The following PPP1R13L variants were observed in gnomAD, a reference collection of about 807,000 sequenced individuals.
PPP1R13L encodes relA-associated inhibitor.
PPP1R13L carries 50 observed loss-of-function variants against 80.9 expected under a neutral mutation model. That is an observed-to-expected ratio of 0.62 (90% CI 0.49 to 0.78). The LOEUF (loss-of-function observed/expected upper bound fraction) is 0.78. Among genes scored for constraint, PPP1R13L ranks in the 30% least tolerant of loss-of-function variants. The probability of loss-of-function intolerance (pLI) is 0.00; values close to 1 mark genes in which losing one functional copy is unlikely to be tolerated. For synonymous variants in PPP1R13L, 602 were observed against 534.3 expected (o/e 1.13, Z -1.75); for missense variants, 1,200 against 1,205.9 (o/e 1.00, Z 0.07).
Position 45,396,087 on chromosome 19 carries a change from G to T in PPP1R13L, c.903+81C>A. On this transcript the variant is annotated intron_variant, in intron 6 of 12. Transcript: ENST00000360957. The surrounding 1 kb of genome is among the most constrained non-coding windows in gnomAD (Gnocchi z 5.3). Reference sequence around the variant, plus strand: ...CGAGACCCAGATCGCAGCCCCGAGGGGGAGACTGGCCTTGACCCCGCTCCC... The same window carrying T: ...CGAGACCCAGATCGCAGCCCCGAGGTGGAGACTGGCCTTGACCCCGCTCCC... The T allele has an allele frequency of 6.8e-7, 1 of 1,473,884 alleles. No homozygotes were observed. The highest frequency in any genetic ancestry group is 9.2e-7 in the Non-Finnish European group (1 of 1,090,914). 91.3% of individuals were successfully genotyped at this position (1,473,884 alleles called of 1,614,324 possible).
chr19:45,398,207 C>G, intron 2 of PPP1R13L, 57 bp downstream of exon 2: 2 of 1,613,004 alleles, frequency 1.2e-6, no homozygotes, highest in Non-Finnish European at 1.7e-6. Context: ...GCCTCAGCAC[C>G]CCTCGCCCGC....
rs954957158 is a variant in PPP1R13L, at chr19:45,388,186, GA to G, written c.1816-2007del. On this transcript the variant is annotated intron_variant, in intron 8 of 12. Transcript: ENST00000360957. The stretch of plus-strand genomic sequence containing the variant: ...CCATCTCAAAAAAGGAAAAAAAAAA[GA>G]AAGACTAGAAGGAAATATTCAAAAT... 1.8e-4 allele frequency among the ~76,000 whole-genome samples: 27 copies of G among 150,100 alleles called. 1 individual carries two copies. The highest frequency in any genetic ancestry group is 6.6e-4 in the African/African-American group (27 of 40,608).
chr19:45,391,129 C>A (rs1045242228), intron 8 of PPP1R13L, among the ~76,000 whole-genome samples: 1 of 150,964 alleles, frequency 6.6e-6, no homozygotes, highest in African/African-American at 2.4e-5. Context: ...ACCTGGGAGG[C>A]GGAGGTTGCA....
At position 45,392,069 on chromosome 19, in the gene PPP1R13L, CTG is replaced by C. The variant is rs754085316; in HGVS notation, c.1624_1625del (p.Gln542ValfsTer29). ...AVALPPTHKKQYQQIISRLFH... is the reference protein window; with the variant it reads ...AVALPPTHKKXYQQIISRLFH... Reference sequence around the variant, plus strand: ...AGAGGCGGCTGATGATCTGCTGGTACTGTTTCTTGTGGGTAGGGGGCAGGGCC... The same window carrying C: ...AGAGGCGGCTGATGATCTGCTGGTACTTTCTTGTGGGTAGGGGGCAGGGCC... On this transcript the variant is annotated frameshift_variant, in exon 8 of 13. Transcript: ENST00000360957. LOFTEE classifies it high-confidence loss of function. 6.5e-7 allele frequency: 1 copy of C among 1,542,038 alleles called. No individual in the cohort carries two copies. The highest frequency in any genetic ancestry group is 8.7e-7 in the Non-Finnish European group (1 of 1,146,152).
At position 45,396,126 on chromosome 19, in the gene PPP1R13L, C is replaced by T; in HGVS notation, c.903+42G>A. On this transcript the variant is annotated intron_variant, in intron 6 of 12. Transcript: ENST00000360957. The surrounding 1 kb of genome is among the most constrained non-coding windows in gnomAD (Gnocchi z 5.3). ...GACCCCGCTCCCCCACCCCACTCCT[C>T]GACCTTCCCCAGCCTCTCCTCCCCA... is the stretch of plus-strand genomic sequence containing the variant. The T allele has an allele frequency of 6.4e-7, 1 of 1,552,642 alleles. No homozygotes were observed. The highest frequency in any genetic ancestry group is 8.7e-7 in the Non-Finnish European group (1 of 1,149,898).
At position 45,380,457 on chromosome 19, in the gene PPP1R13L, AG is replaced by A. The variant is rs1303229821; in HGVS notation, c.2449-230del. On this transcript the variant is annotated intron_variant, in intron 12 of 12. Transcript: ENST00000360957. ...TTTCCAGTGTCTCCTAACTGCCATA[AG>A]GAGAAGCCCACCTCTCTCTAACACC... Among the ~76,000 whole-genome samples, 3 of 152,080 alleles carry A rather than the reference AG, an allele frequency of 2.0e-5. 1 individual carries two copies. Among genetic ancestry groups the A allele is most frequent in the Non-Finnish European group, 4.4e-5 (3 of 68,016 alleles).
intron 1 of PPP1R13L, among the ~76,000 whole-genome samples, chr19:45,402,766 G>T (rs1254401951): frequency 6.6e-6 from 1 of 152,228 alleles, no homozygotes; most frequent in Non-Finnish European, 1.5e-5. Flanking sequence ...GCCAGCCGCA[G>T]GTACTCTCCC....
intron 11 of PPP1R13L, among the ~76,000 whole-genome samples, chr19:45,383,033 C>T (rs1972796928): frequency 1.4e-5 from 2 of 138,102 alleles, no homozygotes; most frequent in East Asian, 2.1e-4. Context: ...CTCGCTCTGT[C>T]GCCCAGGCTG....
At chr19:45,382,869 A>G in intron 11 of PPP1R13L, 143 bp from the exon 12 acceptor site, 1 of 743,682 alleles carries the variant, frequency 1.3e-6, no homozygotes, top group South Asian at 1.8e-5. Flanking sequence ...ATGGCTGTGG[A>G]TGGGAACCGG....
rs34417484 is a variant in PPP1R13L at position 45,383,339 on chromosome 19, G to A, written c.2249-613C>T. On this transcript the variant is annotated intron_variant, in intron 11 of 12. Transcript: ENST00000360957. ...TTTGAGATGGAATTTCGCTCTTGTCGCCCAGGCAGGAGTGCAATGGTGCGG... is the reference window on the plus strand; with the variant it reads ...TTTGAGATGGAATTTCGCTCTTGTCACCCAGGCAGGAGTGCAATGGTGCGG... Among the ~76,000 whole-genome samples, 256 of 110,532 alleles carry A rather than the reference G, an allele frequency of 2.3e-3. 1 individual carries two copies. The highest frequency in any genetic ancestry group is 9.1e-3 in the African/African-American group (244 of 26,816). 72.5% of individuals were successfully genotyped at this position (110,532 alleles called of 152,430 possible). A position where few individuals can be genotyped will look rare whatever the true frequency, so the allele number is the denominator to read the frequency against.
chr19:45,387,990 G>A (rs1488889842), intron 8 of PPP1R13L, among the ~76,000 whole-genome samples: 1 of 152,050 alleles, frequency 6.6e-6, no homozygotes, highest in Non-Finnish European at 1.5e-5. Flanking sequence ...CCAACGTGGT[G>A]AAACCCTGTC....
intron 1 of PPP1R13L, among the ~76,000 whole-genome samples, chr19:45,401,149 C>T (rs1363307047): frequency 1.3e-5 from 2 of 150,932 alleles, no homozygotes; most frequent in African/African-American, 2.4e-5. Flanking sequence ...GTCAGGAGCT[C>T]GAGACCATCC....
Position 45,390,788 on chromosome 19 carries a change from G to A in PPP1R13L, c.1815+1092C>T, listed in dbSNP as rs139651418. ...TTTAGTAGACAGGGGGTTTCACCAT[G>A]TTGGTCAGGCTGGACTTGAACCTCT... On this transcript the variant is annotated intron_variant, in intron 8 of 12. Transcript: ENST00000360957. Among the ~76,000 whole-genome samples the A allele has an allele frequency of 1.9e-3, 284 of 152,206 alleles. 6 individuals are homozygous for A. Among genetic ancestry groups the A allele is most frequent in the Admixed American group, 0.014 (217 of 15,280 alleles).
Position 45,380,089 on chromosome 19 carries a change from G to A in PPP1R13L, c.*101C>T, listed in dbSNP as rs1026461586. On this transcript the variant is annotated 3_prime_UTR_variant, in exon 13 of 13. Transcript: ENST00000360957. ...GGTGGCAAGGACCACCACCAGCAGG[G>A]TGAGGGGTGCAGATAAAGGCAGCAA... The A allele has an allele frequency of 2.6e-5, 35 of 1,332,602 alleles. No individual in the cohort carries two copies. In the African/African-American group the frequency reaches 5.1e-4, roughly 19 times the overall value. The allele number at this position is 1,332,602 out of a possible 1,614,324, so 82.5% of individuals were successfully genotyped here.
At position 45,398,267 on chromosome 19, in the gene PPP1R13L, G is replaced by A; in HGVS notation, c.52C>T (p.Gln18Ter). Reference protein sequence around the residue: ...SARDFLDMNFQSLAMKHMDLK... With the variant: ...SARDFLDMNF ...CCCGCCCCCTACTCCAGCTTACACT[G>A]GAAGTTCATGTCCAGAAAGTCCCGC... Residue 18 changes from glutamine to a stop codon, truncating the protein, a stop_gained, in exon 2 of 13, where the codon CAG becomes TAG. Transcript: ENST00000360957. LOFTEE classifies it high-confidence loss of function. 1.9e-6 allele frequency: 3 copies of A among 1,613,930 alleles called. No homozygotes were observed. The highest frequency in any genetic ancestry group is 2.5e-6 in the Non-Finnish European group (3 of 1,179,916).
chr19:45,402,660 G>A (rs1251030651), intron 1 of PPP1R13L, among the ~76,000 whole-genome samples: 2 of 152,214 alleles, frequency 1.3e-5, no homozygotes, highest in African/African-American at 2.4e-5. Flanking sequence ...CGGGCCGTGT[G>A]TCTGTTCCCA....
Position 45,386,137 on chromosome 19 carries a change from G to A in PPP1R13L, c.1859C>T (p.Ala620Val), listed in dbSNP as rs1681480972. Residue 620 changes from alanine to valine, a missense_variant, in exon 9 of 13, where the codon GCC (alanine) becomes GTC (valine). Physicochemically the swap from Ala to Val is moderately conservative, Grantham distance 64. Around this residue, in one of 5 missense-constraint regions of PPP1R13L, gnomAD observed 214 missense variants for 199.6 expected, o/e 1.07. Transcript: ENST00000360957. ...CAGAGGGTTGAGGCGCGCGCGGCGG[G>A]CCTTGCGCGGGGAGCCCGCCTTCCG... ...VLRKAGSPRK[A>V]RRARLNPLVL... 1 of 1,542,842 alleles carries A rather than the reference G, an allele frequency of 6.5e-7. No individual in the cohort carries two copies. Among genetic ancestry groups the A allele is most frequent in the Non-Finnish European group, 8.6e-7 (1 of 1,157,464 alleles).
chr19:45,391,023 C>T (rs942625724), intron 8 of PPP1R13L, among the ~76,000 whole-genome samples: 50 of 151,912 alleles, frequency 3.3e-4, no homozygotes, highest in Non-Finnish European at 5.9e-4. Flanking sequence ...CATGGTGAAA[C>T]CTCATCTCTA....
chr19:45,395,915 C>T, intron 6 of PPP1R13L, 29 bp from the exon 7 acceptor site: 1 of 1,533,292 alleles, frequency 6.5e-7, no homozygotes, highest in Non-Finnish European at 8.9e-7. Context: ...AGAAGGGGAT[C>T]GGGTGAGAGA....
Sources: gnomAD v4.1 joint callset for allele counts (sites outside exome capture counted in the v4.1 genomes callset) on GRCh38, gnomAD v4.1.1 for gene constraint, gnomAD v4.1.1 regional missense constraint, Gnocchi (gnomAD v3.1) non-coding constraint, MANE v1.5 for transcripts, NCBI Gene and HGNC (gene_info 2026-07-23, HGNC 2026-07-21) for gene names.